FKBP15: variants seen among roughly 807,000 people sequenced by gnomAD.
The protein encoded by FKBP15 is FK506-binding protein 15.
Under a neutral mutation model 158.1 loss-of-function variants are expected in FKBP15, and 106 were observed. The observed-to-expected ratio is 0.67, with a 90% CI of 0.57 to 0.79. The LOEUF (loss-of-function observed/expected upper bound fraction) is 0.79, where lower values mean the gene tolerates loss of function less well. Ranked by LOEUF, FKBP15 falls within the 30% of genes least tolerant of loss-of-function variation. The pLI is 0.00. For synonymous variants in FKBP15, 547 were observed against 548.6 expected, an observed-to-expected ratio of 1.00 and a Z score of 0.04; for missense variants, 1,287 against 1,479.1, an observed-to-expected ratio of 0.87 and a Z score of 2.13.
chr9:113,205,122 T>C (rs541759706), intron 4 of FKBP15, among the ~76,000 whole-genome samples: 4 of 152,350 alleles, frequency 2.6e-5, no homozygotes, highest in African/African-American at 9.6e-5. Flanking sequence ...ACCTTGGTTT[T>C]GGTAATGGAT....
chr9:113,218,380 TATATA>T (rs1831186545), intron 1 of FKBP15, among the ~76,000 whole-genome samples: 173 of 93,052 alleles, frequency 1.9e-3, no homozygotes, highest in Admixed American at 6.0e-3. Context: ...AATACAATTA[TATATA>T]TATATATATA....
In FKBP15 at chr9:113,165,958, T is replaced by C. The variant is rs1830091968; in HGVS notation, c.*120A>G. On this transcript the variant is annotated 3_prime_UTR_variant, in exon 28 of 28. Transcript: ENST00000238256. Reference sequence around the variant, plus strand: ...CCAACCCACCCTCTGAGCCCAAATATTGTTCCCAGAATGCTCACCTTGACC... The same window carrying C: ...CCAACCCACCCTCTGAGCCCAAATACTGTTCCCAGAATGCTCACCTTGACC... 5 of 895,948 alleles carry C rather than the reference T, an allele frequency of 5.6e-6. No homozygotes were observed. The highest frequency in any genetic ancestry group is 8.4e-6 in the Non-Finnish European group (5 of 592,596). The allele number at this position is 895,948 out of a possible 1,614,324, so 55.5% of individuals were successfully genotyped here. A position where few individuals can be genotyped will look rare whatever the true frequency, so the allele number is the denominator to read the frequency against.
At chr9:113,173,652 T>A (rs1168239473) in intron 22 of FKBP15, 47 bp from the exon 23 acceptor site, 2 of 1,583,488 alleles carry the variant, frequency 1.3e-6, no homozygotes, top group Non-Finnish European at 1.7e-6. Context: ...GGTGGGGGAG[T>A]GAGATTCCAT....
chr9:113,196,120 G>C (rs912108547), intron 9 of FKBP15, among the ~76,000 whole-genome samples: 8 of 151,814 alleles, frequency 5.3e-5, no homozygotes, highest in Admixed American at 5.3e-4. Context: ...TATTCTTTAA[G>C]AGCTACATAA....
chr9:113,196,141 A>G (rs750154469), intron 9 of FKBP15, among the ~76,000 whole-genome samples: 40 of 152,172 alleles, frequency 2.6e-4, no homozygotes, highest in Non-Finnish European at 4.7e-4. Flanking sequence ...AAATCTATGA[A>G]AAAAACATAA....
At position 113,169,328 on chromosome 9, in the gene FKBP15, A is replaced by T. The variant is rs756882821; in HGVS notation, c.3381T>A (p.Asp1127Glu). The T allele has an allele frequency of 1.2e-6, 2 of 1,613,904 alleles. No homozygotes were observed. The highest frequency in any genetic ancestry group is 1.3e-5 in the African/African-American group (1 of 74,932). ...EPQPPQLKKDDVTSSTGPHKE... is the reference protein window; with the variant it reads ...EPQPPQLKKDEVTSSTGPHKE... ...TGTGGGGACCGGTGGAGCTAGTGAC[A>T]TCATCTTTCTTGAGCTGTGGAGGCT... is the stretch of plus-strand genomic sequence containing the variant. The change falls in exon 26 of 28, where the codon GAT (aspartate) becomes GAA (glutamate). Residue 1127 changes from aspartate to glutamate, a missense_variant. Physicochemically the swap from Asp to Glu is conservative, Grantham distance 45 (BLOSUM62 2). Coordinates refer to ENST00000238256, the MANE Select transcript of FKBP15 (RefSeq NM_015258.2).
rs774678876 is a variant in FKBP15 at position 113,166,081 on chromosome 9, T to G, written c.3657A>C (p.Gly1219=). Residue 1219 remains glycine, a synonymous_variant, in exon 28 of 28, where the codon GGA becomes GGC. Coordinates refer to ENST00000238256, the MANE Select transcript of FKBP15 (RefSeq NM_015258.2). ...TTTGCACCAGTTTCCTGGGTCTTCA[T>G]CCCAGCCAGTCAATGTCATCGTCAT... The part of the protein sequence containing the change: ...DDDDDDIDWL[G] 3.1e-6 allele frequency: 5 copies of G among 1,613,132 alleles called. No homozygotes were observed. In the South Asian group the frequency reaches 5.5e-5, roughly 18 times the overall value.
chr9:113,204,460 A>G (rs2118933962), intron 4 of FKBP15, among the ~76,000 whole-genome samples: 1 of 152,308 alleles, frequency 6.6e-6, no homozygotes, highest in East Asian at 1.9e-4. Flanking sequence ...ACTACAATGA[A>G]TTCTCTCACT....
In FKBP15 at chr9:113,190,542, T is replaced by C. The variant is rs199602544; in HGVS notation, c.1102A>G (p.Met368Val). 3.7e-5 allele frequency: 60 copies of C among 1,611,936 alleles called. No individual in the cohort carries two copies. Among genetic ancestry groups the C allele is most frequent in the Non-Finnish European group, 5.9e-6 (7 of 1,179,116 alleles). ...AGCATGGGCTGGCCCATTTTAGCCATCCGAGAGATCAACTTGGCTTTGACT... is the reference window on the plus strand; with the variant it reads ...AGCATGGGCTGGCCCATTTTAGCCACCCGAGAGATCAACTTGGCTTTGACT... ...DAVKAKLISR[M>V]AKMGQPMLPI... The change falls in exon 12 of 28, where the codon ATG (methionine) becomes GTG (valine). Residue 368 changes from methionine (M) to valine (V), a missense_variant. By Grantham distance (21) the Met-to-Val change is conservative. Transcript: ENST00000238256.
intron 9 of FKBP15, among the ~76,000 whole-genome samples, chr9:113,195,183 T>C (rs1254694925): frequency 6.6e-6 from 1 of 152,182 alleles, no homozygotes; most frequent in African/African-American, 2.4e-5. Context: ...CAAAAAAAAT[T>C]TGCAACCTCC....
At chr9:113,207,348 A>ATTTTTTTTTTTTT in intron 2 of FKBP15, 52 bp from the exon 3 acceptor site, 3 of 1,393,604 alleles carry the variant, frequency 2.2e-6, no homozygotes, top group Non-Finnish European at 3.0e-6. Flanking sequence ...CTTTAAACTA[A>ATTTTTTTTTTTTT]TTTTTTTTAA....
chr9:113,205,805 G>A (rs1263716831), intron 4 of FKBP15, among the ~76,000 whole-genome samples: 2 of 152,092 alleles, frequency 1.3e-5, no homozygotes, highest in African/African-American at 4.8e-5. Flanking sequence ...ACAAAATGTG[G>A]TATATACCTA....
intron 27 of FKBP15, among the ~76,000 whole-genome samples, chr9:113,167,786 G>A (rs533659776): frequency 2.6e-5 from 4 of 152,312 alleles, no homozygotes; most frequent in East Asian, 1.9e-4. Flanking sequence ...CTAGCACAGC[G>A]GGGAGCAGCA....
At chr9:113,170,724 CT>C in intron 24 of FKBP15, 95 bp from the exon 25 acceptor site, 1 of 845,328 alleles carries the variant, frequency 1.2e-6, no homozygotes, top group Non-Finnish European at 2.0e-6. Flanking sequence ...ATGAAGCCAT[CT>C]TAGATCTCTA....
chr9:113,210,957 A>G (rs1424522306), intron 2 of FKBP15, among the ~76,000 whole-genome samples: 1 of 152,208 alleles, frequency 6.6e-6, no homozygotes. Context: ...TGAAGGCTGC[A>G]CTGTCGGCTT....
intron 6 of FKBP15, among the ~76,000 whole-genome samples, chr9:113,202,036 GCTCT>G (rs1055332446): frequency 3.0e-4 from 45 of 151,642 alleles, no homozygotes; most frequent in South Asian, 1.7e-3. Flanking sequence ...TCTCTTTCTT[GCTCT>G]CTCTATCTCT....
Position 113,162,570 on chromosome 9 carries a change from G to A in FKBP15, c.*3508C>T, listed in dbSNP as rs995401146. 8 of 490,532 alleles carry A rather than the reference G, an allele frequency of 1.6e-5. No homozygotes were observed. The highest frequency in any genetic ancestry group is 6.9e-5 in the East Asian group (2 of 29,036). The allele number at this position is 490,532 out of a possible 1,614,324, so 30.4% of individuals were successfully genotyped here. On this transcript the variant is annotated 3_prime_UTR_variant, in exon 28 of 28. Transcript: ENST00000238256. ...ATATGTCTCTTTAAAAATAAATCTC[G>A]AGTTTTTTCTGGGGGCGGGGGTGGG...
At position 113,182,756 on chromosome 9, in the gene FKBP15, G is replaced by T. The variant is rs1564161016; in HGVS notation, c.1914+10C>A. ...CCTGACCTGGGCTTTTCTCTCCCCA[G>T]TTGCTTTACCTTCTCTTGTTCAGCA... On this transcript the variant is annotated intron_variant, in intron 19 of 27. Coordinates refer to ENST00000238256, the MANE Select transcript of FKBP15 (RefSeq NM_015258.2). 1.9e-6 allele frequency: 3 copies of T among 1,611,014 alleles called. No individual in the cohort carries two copies. Among genetic ancestry groups the T allele is most frequent in the East Asian group, 4.5e-5 (2 of 44,850 alleles).
chr9:113,171,748 G>A, intron 23 of FKBP15, 42 bp from the exon 24 acceptor site: 2 of 1,442,752 alleles, frequency 1.4e-6, no homozygotes, highest in Non-Finnish European at 9.2e-7. Flanking sequence ...CAGGAACCAG[G>A]TGAAGGTCAG....
Sources: allele counts gnomAD v4.1 joint callset (sites outside exome capture counted in the v4.1 genomes callset), GRCh38; gene constraint gnomAD v4.1.1; transcripts MANE v1.5; gene names NCBI Gene and HGNC (gene_info 2026-07-23, HGNC 2026-07-21).